Variants in PPP1R9A observed in about 807,000 individuals in gnomAD.
The protein encoded by PPP1R9A is protein phosphatase 1 regulatory subunit 9A, also known as neurabin-1.
PPP1R9A carries 59 observed loss-of-function variants against 141.9 expected under a neutral mutation model. The observed-to-expected ratio is 0.42, with a 90% CI of 0.34 to 0.52. The LOEUF is 0.52. PPP1R9A is among the 20% of genes least tolerant of loss of function. The pLI, the probability that PPP1R9A is intolerant of heterozygous loss-of-function variation, is 0.10. For missense variants in PPP1R9A, 1,444 were observed against 1,611.9 expected, an observed-to-expected ratio of 0.90 and a Z score of 1.78; for synonymous variants, 500 against 569.7, an observed-to-expected ratio of 0.88 and a Z score of 1.74.
Position 94,910,130 on chromosome 7 carries a change from C to T in PPP1R9A, c.17C>T (p.Ser6Phe), listed in dbSNP as rs947180173. MLKTE[S>F]SGERTTLRSA... Reference sequence around the variant, plus strand: ...GAAGTGAAAATGTTGAAAACTGAGTCTTCAGGTGAACGAACCACTCTCAGA... The same window carrying T: ...GAAGTGAAAATGTTGAAAACTGAGTTTTCAGGTGAACGAACCACTCTCAGA... The change falls in exon 2 of 20, where the codon TCT (serine) becomes TTT (phenylalanine). Residue 6 changes from serine (S) to phenylalanine (F), a missense_variant. Around this residue, in one of 5 missense-constraint regions of PPP1R9A, gnomAD observed 490 missense variants for 521.1 expected, o/e 0.94. Coordinates refer to ENST00000433360, the MANE Select transcript of PPP1R9A (RefSeq NM_001166160.2). This position sits in a 1 kb window ranked among gnomAD's most constrained non-coding sequence, Gnocchi z 4.5. The T allele has an allele frequency of 1.9e-6, 3 of 1,609,992 alleles. No individual in the cohort carries two copies. The highest frequency in any genetic ancestry group is 1.7e-4 in the Middle Eastern group (1 of 6,036).
At chr7:94,932,245 C>G (rs1464871972) in intron 2 of PPP1R9A, among the ~76,000 whole-genome samples, 1 of 152,108 alleles carries the variant, frequency 6.6e-6, no homozygotes, top group Non-Finnish European at 1.5e-5. Flanking sequence ...AGCCAAAAGG[C>G]TTTTGTGTCA....
At chr7:95,028,643 GT>G (rs1471884613) in intron 2 of PPP1R9A, among the ~76,000 whole-genome samples, 8 of 152,108 alleles carry the variant, frequency 5.3e-5, no homozygotes, top group African/African-American at 1.4e-4. Context: ...AAGTGGGGAA[GT>G]TTTTGAAAAA....
At chr7:95,108,307 C>T (rs199894812) in intron 2 of PPP1R9A, among the ~76,000 whole-genome samples, 673 of 59,208 alleles carry the variant, frequency 0.011, 11 homozygotes, top group Middle Eastern at 0.021. Context: ...CGTTTCTTTT[C>T]TTTTTTTTTT....
chr7:95,162,162 A>G (rs1277680693), intron 5 of PPP1R9A, among the ~76,000 whole-genome samples, 191 bp downstream of exon 5: 1 of 152,234 alleles, frequency 6.6e-6, no homozygotes, highest in Non-Finnish European at 1.5e-5. Context: ...ATTACAAATC[A>G]TAGTATTTTA....
intron 4 of PPP1R9A, among the ~76,000 whole-genome samples, chr7:95,125,333 T>G (rs554271940): frequency 2.6e-5 from 4 of 152,166 alleles, no homozygotes; most frequent in Non-Finnish European, 5.9e-5. Flanking sequence ...TCTGTTTTGG[T>G]TTTGTGCTAC....
In PPP1R9A at chr7:94,970,632, C is replaced by CTTT. The variant is rs565331782; in HGVS notation, c.1395+59143_1395+59145dup. Among the ~76,000 whole-genome samples, 23 of 127,706 alleles carry CTTT rather than the reference C, an allele frequency of 1.8e-4. 1 individual carries two copies. Among genetic ancestry groups the CTTT allele is most frequent in the Admixed American group, 6.7e-4 (8 of 11,858 alleles). 83.8% of individuals were successfully genotyped at this position (127,706 alleles called of 152,430 possible). A position where few individuals can be genotyped will look rare whatever the true frequency, so the allele number is the denominator to read the frequency against. ...CCTATTTGACCATCTTGCCAGCCAC[C>CTTT]TTTTTTTTTTTTTTTTTTTTTGAGA... On this transcript the variant is annotated intron_variant, in intron 2 of 19. Coordinates refer to ENST00000433360, the MANE Select transcript of PPP1R9A (RefSeq NM_001166160.2).
chr7:95,092,722 G>A (rs1488044027), intron 2 of PPP1R9A, among the ~76,000 whole-genome samples: 2 of 152,188 alleles, frequency 1.3e-5, no homozygotes, highest in African/African-American at 2.4e-5. Context: ...CAAGAAAATA[G>A]CATTAACAAA....
chr7:94,919,278 T>C (rs1230850610), intron 2 of PPP1R9A, among the ~76,000 whole-genome samples: 2 of 150,454 alleles, frequency 1.3e-5, no homozygotes, highest in Admixed American at 6.6e-5. Context: ...TACAGGTGTG[T>C]GCCACAGTGC....
At chr7:95,280,935 C>T (rs949028934) in intron 16 of PPP1R9A, among the ~76,000 whole-genome samples, 5 of 152,128 alleles carry the variant, frequency 3.3e-5, no homozygotes, top group Admixed American at 6.6e-5. Flanking sequence ...GAGTGGTCAA[C>T]ATGGAATAAC....
rs1351001163 is a variant in PPP1R9A, at chr7:95,290,226, C to G, written c.4048C>G (p.Gln1350Glu). Residue 1350 changes from glutamine (Q) to glutamate (E), a missense_variant, in exon 20 of 20, where the codon CAA becomes GAA. Gln to Glu is a conservative substitution (Grantham distance 29). Coordinates refer to ENST00000433360, the MANE Select transcript of PPP1R9A (RefSeq NM_001166160.2). Reference protein sequence around the residue: ...KQREKLRRKEQEQMQRKSKKT... With the variant: ...KQREKLRRKEEEQMQRKSKKT... ...AAGAGAAAAGCTAAGGAGAAAGGAG[C>G]AAGAGCAAATGCAGAGGAAGTCCAA... The G allele has an allele frequency of 6.2e-7, 1 of 1,613,250 alleles. No individual in the cohort carries two copies. The highest frequency in any genetic ancestry group is 8.5e-7 in the Non-Finnish European group (1 of 1,179,674).
intron 6 of PPP1R9A, among the ~76,000 whole-genome samples, chr7:95,200,372 A>G (rs948155255): frequency 1.3e-5 from 2 of 150,912 alleles, no homozygotes; most frequent in African/African-American, 2.4e-5. Context: ...GCTCAAGCCA[A>G]CCTCCTGCCT....
At chr7:94,908,757 C>T (rs1791109895) in intron 1 of PPP1R9A, among the ~76,000 whole-genome samples, 1 of 151,882 alleles carries the variant, frequency 6.6e-6, no homozygotes, top group African/African-American at 2.4e-5. Context: ...AAAGAATGGT[C>T]AGGGTAAAAG....
chr7:95,059,663 G>T (rs1811959560), intron 2 of PPP1R9A, among the ~76,000 whole-genome samples: 1 of 152,170 alleles, frequency 6.6e-6, no homozygotes, highest in Non-Finnish European at 1.5e-5. Context: ...GTATGAGGTT[G>T]AGCATAACAG....
chr7:95,041,585 T>A (rs1235004484), intron 2 of PPP1R9A, among the ~76,000 whole-genome samples: 5 of 152,164 alleles, frequency 3.3e-5, no homozygotes, highest in Non-Finnish European at 7.3e-5. Flanking sequence ...CTCTAAAATA[T>A]GAATGTATAC....
chr7:95,250,834 A>G (rs1265974162), intron 10 of PPP1R9A, among the ~76,000 whole-genome samples: 1 of 151,698 alleles, frequency 6.6e-6, no homozygotes, highest in Non-Finnish European at 1.5e-5. Flanking sequence ...TTGATTTTCA[A>G]CAGCTGTTTC....
chr7:95,145,007 C>T (rs1008277479), intron 4 of PPP1R9A, among the ~76,000 whole-genome samples: 6 of 152,036 alleles, frequency 3.9e-5, no homozygotes, highest in African/African-American at 1.2e-4. Context: ...GAATAAAATA[C>T]TTTGTAATAT....
chr7:95,189,044 G>C (rs1215047719), intron 5 of PPP1R9A, among the ~76,000 whole-genome samples: 1 of 152,046 alleles, frequency 6.6e-6, no homozygotes, highest in Non-Finnish European at 1.5e-5. Flanking sequence ...CCATTTTGAA[G>C]CTTAGTTTTG....
intron 2 of PPP1R9A, among the ~76,000 whole-genome samples, chr7:95,103,559 G>A (rs1278019718): frequency 2.0e-5 from 3 of 151,692 alleles, no homozygotes; most frequent in African/African-American, 4.8e-5. Flanking sequence ...TAGTAGAGAC[G>A]GGGTTTCACC....
At chr7:95,063,551 C>G (rs1364386459) in intron 2 of PPP1R9A, among the ~76,000 whole-genome samples, 1 of 151,980 alleles carries the variant, frequency 6.6e-6, no homozygotes, top group East Asian at 1.9e-4. Context: ...GGCAACAGAG[C>G]AAGACTTTTT....
Sources: gnomAD v4.1 joint callset for allele counts (sites outside exome capture counted in the v4.1 genomes callset) on GRCh38, gnomAD v4.1.1 for gene constraint, gnomAD v4.1.1 regional missense constraint, Gnocchi (gnomAD v3.1) non-coding constraint, MANE v1.5 for transcripts, NCBI Gene and HGNC (gene_info 2026-07-23, HGNC 2026-07-21) for gene names.